NAALADL2: variants seen among roughly 807,000 people sequenced by gnomAD.
NAALADL2 encodes the protein inactive N-acetylated-alpha-linked acidic dipeptidase-like protein 2.
A neutral mutation model predicts 87.2 loss-of-function variants in NAALADL2; 76 were observed. The ratio of observed to expected loss-of-function variants is 0.87; its 90% CI spans 0.72 to 1.05. The LOEUF (loss-of-function observed/expected upper bound fraction) is 1.05, where lower values mean the gene tolerates loss of function less well. NAALADL2 is among the 50% of genes least tolerant of loss of function. The probability of loss-of-function intolerance (pLI) is 0.00; values close to 1 mark genes in which losing one functional copy is unlikely to be tolerated. For synonymous variants in NAALADL2, 354 were observed against 331.0 expected, an observed-to-expected ratio of 1.07 and a Z score of -0.75; for missense variants, 1,089 against 945.8, an observed-to-expected ratio of 1.15 and a Z score of -1.99.
At chr3:175,744,907 ATT>A (rs1745716563) in intron 12 of NAALADL2, among the ~76,000 whole-genome samples, 1 of 151,912 alleles carries the variant, frequency 6.6e-6, no homozygotes, top group Admixed American at 6.6e-5. Context: ...TATTTTTCTT[ATT>A]TTTATGACAA....
chr3:174,711,498 C>T (rs1285957721), intron 2 of NAALADL2, among the ~76,000 whole-genome samples: 1 of 152,224 alleles, frequency 6.6e-6, no homozygotes, highest in East Asian at 1.9e-4. Flanking sequence ...CAGGAAAGTA[C>T]AAGGATTTTA....
intron 11 of NAALADL2, among the ~76,000 whole-genome samples, chr3:175,733,295 G>T (rs376354539): frequency 6.6e-5 from 10 of 152,310 alleles, no homozygotes; most frequent in African/African-American, 2.4e-4. Context: ...GTTCCATGTG[G>T]CTGGGGAAGC....
At position 174,767,235 on chromosome 3, in the gene NAALADL2, A is replaced by G. The variant is rs144090183; in HGVS notation, c.-9+29489A>G. Reference sequence around the variant, plus strand: ...TGCAATGAAGCACAGAGTCGATTTAATAATAAATGATATCAGAGCAGATTA... The same window carrying G: ...TGCAATGAAGCACAGAGTCGATTTAGTAATAAATGATATCAGAGCAGATTA... On this transcript the variant is annotated intron_variant, in intron 3 of 3. Coordinates refer to the NAALADL2 transcript ENST00000434257. Among the ~76,000 whole-genome samples, 953 of 152,334 alleles carry G rather than the reference A, an allele frequency of 6.3e-3. 9 individuals are homozygous for G. Among genetic ancestry groups the G allele is most frequent in the Middle Eastern group, 0.027 (8 of 294 alleles).
At chr3:174,811,028 A>AAAAC (rs1720129263) in intron 3 of NAALADL2, among the ~76,000 whole-genome samples, 1 of 152,166 alleles carries the variant, frequency 6.6e-6, no homozygotes, top group African/African-American at 2.4e-5. Context: ...ACATGGTGTT[A>AAAAC]AGCCTGTGGT....
chr3:175,802,064 C>G (rs1470730767), intron 13 of NAALADL2, among the ~76,000 whole-genome samples: 1 of 152,050 alleles, frequency 6.6e-6, no homozygotes, highest in Non-Finnish European at 1.5e-5. Flanking sequence ...GTCTGTAGCT[C>G]CACTCTCTCA....
chr3:175,797,077 C>T (rs949350893), intron 13 of NAALADL2, among the ~76,000 whole-genome samples: 2 of 151,872 alleles, frequency 1.3e-5, no homozygotes, highest in African/African-American at 4.8e-5. Context: ...GCTGTTCTTT[C>T]CTGGTCACCA....
intron 3 of NAALADL2, among the ~76,000 whole-genome samples, chr3:174,797,298 C>CT (rs765233495): frequency 0.028 from 2,679 of 96,900 alleles, 206 homozygotes; most frequent in Non-Finnish European, 0.041. Context: ...TTTTGTTTTT[C>CT]TTTTTTCTTT....
chr3:174,460,961 C>T (rs1716180697), intron 1 of NAALADL2, among the ~76,000 whole-genome samples: 1 of 151,924 alleles, frequency 6.6e-6, no homozygotes, highest in Admixed American at 6.6e-5. Context: ...CTGAAAAACC[C>T]CTTGTTCCGT....
At chr3:175,758,833 A>G (rs532436923) in intron 13 of NAALADL2, among the ~76,000 whole-genome samples, 1 of 152,258 alleles carries the variant, frequency 6.6e-6, no homozygotes, top group South Asian at 2.1e-4. Context: ...TGTTATTCAC[A>G]TAAGAATCTC....
At chr3:174,824,714 C>T (rs572653449) in intron 3 of NAALADL2, among the ~76,000 whole-genome samples, 1 of 152,138 alleles carries the variant, frequency 6.6e-6, no homozygotes, top group Non-Finnish European at 1.5e-5. Flanking sequence ...ATTATTTGTG[C>T]TGTGTAGCCT....
chr3:175,236,236 T>C (rs1365798562), intron 3 of NAALADL2, among the ~76,000 whole-genome samples: 1 of 152,086 alleles, frequency 6.6e-6, no homozygotes. Flanking sequence ...TTAAAAGGAA[T>C]ACTGGCCGGG....
intron 2 of NAALADL2, among the ~76,000 whole-genome samples, chr3:174,632,726 G>T (rs947731046): frequency 1.3e-5 from 2 of 152,074 alleles, no homozygotes; most frequent in Admixed American, 6.5e-5. Flanking sequence ...GCGAGGTCAG[G>T]AGATCGAGAC....
intron 3 of NAALADL2, among the ~76,000 whole-genome samples, chr3:175,243,321 A>AACACACACACACACACACACACACGC (rs1747290683): frequency 6.9e-6 from 1 of 144,556 alleles, no homozygotes; most frequent in Non-Finnish European, 1.5e-5. Context: ...TTTAGAAGGA[A>AACACACACACACACACACACACACGC]ACACACACAC....
At chr3:174,602,229 C>T (rs139261675) in intron 2 of NAALADL2, among the ~76,000 whole-genome samples, 4 of 152,112 alleles carry the variant, frequency 2.6e-5, no homozygotes, top group African/African-American at 4.8e-5. Flanking sequence ...CACATTTTAA[C>T]AATATTGATT....
At position 175,536,503 on chromosome 3, in the gene NAALADL2, A is replaced by G. The variant is rs142118587; in HGVS notation, c.1654-39538A>G. Among the ~76,000 whole-genome samples the G allele has an allele frequency of 9.4e-3, 1,425 of 152,258 alleles. 45 individuals are homozygous for G. The highest frequency in any genetic ancestry group is 0.056 in the Admixed American group (856 of 15,284). On this transcript the variant is annotated intron_variant, in intron 9 of 13. Transcript: ENST00000454872. ...AATGTATTTACTGTACATGATAGTA[A>G]CAATTTATCATGTATTTACTAAATG...
chr3:174,691,503 T>C (rs537276448), intron 2 of NAALADL2, among the ~76,000 whole-genome samples: 48 of 152,228 alleles, frequency 3.2e-4, no homozygotes, highest in Non-Finnish European at 6.2e-4. Flanking sequence ...TCCTAATTTT[T>C]GTTGGTGGAG....
intron 2 of NAALADL2, among the ~76,000 whole-genome samples, chr3:175,125,698 G>C (rs970925914): frequency 6.6e-6 from 1 of 152,016 alleles, no homozygotes; most frequent in South Asian, 2.1e-4. Flanking sequence ...ATAGAAGCTG[G>C]TATCTGGAAC....
chr3:175,610,197 C>G (rs931776978), intron 10 of NAALADL2, among the ~76,000 whole-genome samples: 1 of 152,070 alleles, frequency 6.6e-6, no homozygotes, highest in African/African-American at 2.4e-5. Context: ...GAGGATCACC[C>G]TATGTAAGTA....
chr3:175,055,021 G>A (rs921333247), intron 1 of NAALADL2, among the ~76,000 whole-genome samples: 4 of 152,160 alleles, frequency 2.6e-5, no homozygotes, highest in Non-Finnish European at 5.9e-5. Context: ...TGAGCAGGTT[G>A]AATTGGCCAC....
Sources: gnomAD v4.1 joint callset for allele counts (sites outside exome capture counted in the v4.1 genomes callset) on GRCh38, gnomAD v4.1.1 for gene constraint, MANE v1.5 for transcripts, NCBI Gene and HGNC (gene_info 2026-07-23, HGNC 2026-07-21) for gene names.